The following EEF1AKMT1 variants were observed in gnomAD, a reference collection of about 807,000 sequenced individuals.
EEF1AKMT1 encodes the protein N-6 adenine-specific DNA methyltransferase 2 (putative).
In EEF1AKMT1, 18 loss-of-function variants were observed where a neutral mutation model predicts 21.0. That is an observed-to-expected ratio of 0.86 (90% CI 0.59 to 1.27). The LOEUF (loss-of-function observed/expected upper bound fraction) is 1.27, where lower values mean the gene tolerates loss of function less well. EEF1AKMT1 is among the 50% of genes most tolerant of loss of function. The pLI is 0.00. For synonymous variants in EEF1AKMT1, 109 were observed against 94.8 expected (o/e 1.15, Z -0.87); for missense variants, 246 against 258.6 (o/e 0.95, Z 0.33).
intron 1 of EEF1AKMT1, among the ~76,000 whole-genome samples, chr13:20,768,183 C>T (rs2059045997): frequency 6.6e-6 from 1 of 152,138 alleles, no homozygotes; most frequent in Admixed American, 6.5e-5. Context: ...TTATGGAATG[C>T]CAGACATTGT....
intron 1 of EEF1AKMT1, among the ~76,000 whole-genome samples, chr13:20,770,264 G>A (rs2059056046): frequency 6.6e-6 from 1 of 151,530 alleles, no homozygotes; most frequent in Non-Finnish European, 1.5e-5. Context: ...GTCAAAATCA[G>A]AGAGGCAGAA....
intron 2 of EEF1AKMT1, among the ~76,000 whole-genome samples, chr13:20,751,522 T>C (rs1595023181): frequency 6.6e-6 from 1 of 152,208 alleles, no homozygotes; most frequent in Admixed American, 6.5e-5. Flanking sequence ...TCTATGTGTC[T>C]GTTGTAATAC....
intron 1 of EEF1AKMT1, among the ~76,000 whole-genome samples, chr13:20,770,385 T>C (rs745558096): frequency 2.6e-5 from 4 of 152,200 alleles, no homozygotes; most frequent in African/African-American, 2.4e-5. Context: ...TTAAGGTTTT[T>C]ATACTTAGAA....
chr13:20,733,478 C>T (rs936291680), intron 3 of EEF1AKMT1, among the ~76,000 whole-genome samples: 1 of 152,170 alleles, frequency 6.6e-6, no homozygotes, highest in African/African-American at 2.4e-5. Flanking sequence ...CCTGCCTTGA[C>T]CTCCTAAAGG....
intron 1 of EEF1AKMT1, among the ~76,000 whole-genome samples, chr13:20,773,434 C>CAGA (rs1301685530): frequency 6.6e-6 from 1 of 152,356 alleles, no homozygotes; most frequent in East Asian, 1.9e-4. Flanking sequence ...GGACCTGCCT[C>CAGA]AGAAGCCCCA....
intron 1 of EEF1AKMT1, among the ~76,000 whole-genome samples, chr13:20,771,910 C>T (rs571034172): frequency 6.6e-6 from 1 of 152,010 alleles, no homozygotes; most frequent in Non-Finnish European, 1.5e-5. Flanking sequence ...ACTCAGGAGG[C>T]TGAGACAGGA....
chr13:20,739,005 T>G (rs1269072568), intron 2 of EEF1AKMT1, among the ~76,000 whole-genome samples: 1 of 152,196 alleles, frequency 6.6e-6, no homozygotes, highest in East Asian at 1.9e-4. Flanking sequence ...AAAGATAGTG[T>G]GCCCAGAGTT....
intron 1 of EEF1AKMT1, among the ~76,000 whole-genome samples, chr13:20,771,338 G>T (rs1179579959): frequency 6.6e-6 from 1 of 152,182 alleles, no homozygotes; most frequent in Non-Finnish European, 1.5e-5. Flanking sequence ...TAATAAAATT[G>T]TCGCCTTTCA....
chr13:20,729,904 G>A (rs1294203114), intron 4 of EEF1AKMT1, among the ~76,000 whole-genome samples: 1 of 152,190 alleles, frequency 6.6e-6, no homozygotes, highest in Non-Finnish European at 1.5e-5. Context: ...CAAAACCTCG[G>A]TCAAGTTAAA....
At chr13:20,734,626 C>T (rs75366812) in intron 3 of EEF1AKMT1, among the ~76,000 whole-genome samples, 12,910 of 145,736 alleles carry the variant, frequency 0.089, 700 homozygotes, top group Middle Eastern at 0.13. Context: ...CGGAGTCTCG[C>T]GCTCACGCTC....
intron 1 of EEF1AKMT1, among the ~76,000 whole-genome samples, chr13:20,764,880 A>AACACACACACAC (rs34574835): frequency 0.011 from 1,507 of 139,868 alleles, 23 homozygotes; most frequent in East Asian, 0.056. Flanking sequence ...TTTCACTTTC[A>AACACACACACAC]ACACACACAC....
At chr13:20,740,065 G>A (rs1595016136) in intron 2 of EEF1AKMT1, among the ~76,000 whole-genome samples, 1 of 152,248 alleles carries the variant, frequency 6.6e-6, no homozygotes, top group East Asian at 1.9e-4. Flanking sequence ...TAGGTCCTGA[G>A]CCCTGCCCTG....
intron 2 of EEF1AKMT1, among the ~76,000 whole-genome samples, chr13:20,739,002 G>T (rs1013399898): frequency 6.6e-6 from 1 of 152,200 alleles, no homozygotes; most frequent in Admixed American, 6.5e-5. Flanking sequence ...CTTAAAGATA[G>T]TGTGCCCAGA....
intron 2 of EEF1AKMT1, among the ~76,000 whole-genome samples, chr13:20,743,699 T>G (rs2058886149): frequency 2.0e-5 from 3 of 151,362 alleles, no homozygotes; most frequent in Non-Finnish European, 4.4e-5. Context: ...TTACTTTAAG[T>G]TCTGGGATAC....
rs1312259663 is a variant in EEF1AKMT1, at chr13:20,732,166, G to A, written c.228-45C>T. The A allele has an allele frequency of 3.9e-6, 6 of 1,550,910 alleles. No homozygotes were observed. The African/African-American group carries it at 6.9e-5, about 18-fold the overall frequency. On this transcript the variant is annotated intron_variant, in intron 3 of 4. Transcript: ENST00000382758. ...CACCATGAAACATCCTTAACAGAGA[G>A]ATTACGGTGTTAACAACTTCTTCAC...
intron 1 of EEF1AKMT1, among the ~76,000 whole-genome samples, chr13:20,764,105 A>G (rs1595030115): frequency 6.6e-6 from 1 of 152,036 alleles, no homozygotes; most frequent in East Asian, 1.9e-4. Context: ...TCTGCCTTTC[A>G]TTTCCTTCCT....
chr13:20,731,024 C>T (rs768623703), intron 4 of EEF1AKMT1, among the ~76,000 whole-genome samples: 10 of 152,146 alleles, frequency 6.6e-5, no homozygotes, highest in African/African-American at 9.7e-5. Flanking sequence ...AAAACAATTC[C>T]GGAGGTGCCG....
chr13:20,741,501 G>A (rs544871608), intron 2 of EEF1AKMT1, among the ~76,000 whole-genome samples: 2 of 143,456 alleles, frequency 1.4e-5, no homozygotes, highest in Non-Finnish European at 3.0e-5. Context: ...TCTGTCGCCA[G>A]GCTGGAGTAC....
intron 2 of EEF1AKMT1, among the ~76,000 whole-genome samples, chr13:20,738,787 A>G (rs998728588): frequency 2.6e-5 from 4 of 152,236 alleles, no homozygotes; most frequent in African/African-American, 9.7e-5. Flanking sequence ...GCAAGTCTAC[A>G]AAGACAGTAG....
Sources: gnomAD v4.1 joint callset for allele counts (sites outside exome capture counted in the v4.1 genomes callset) on GRCh38, gnomAD v4.1.1 for gene constraint, MANE v1.5 for transcripts, NCBI Gene and HGNC (gene_info 2026-07-23, HGNC 2026-07-21) for gene names.